Variants in LRPPRC observed in about 807,000 individuals in gnomAD.
LRPPRC encodes leucine-rich PPR motif-containing protein, mitochondrial.
A neutral mutation model predicts 180.3 loss-of-function variants in LRPPRC; 120 were observed. The ratio of observed to expected loss-of-function variants is 0.67; its 90% CI spans 0.57 to 0.77. The LOEUF is 0.77. Ranked by LOEUF, LRPPRC falls within the 30% of genes least tolerant of loss-of-function variation. The pLI, the probability that LRPPRC is intolerant of heterozygous loss-of-function variation, is 0.00. For synonymous variants in LRPPRC, 723 were observed against 600.0 expected, an observed-to-expected ratio of 1.21 and a Z score of -3.00; for missense variants, 2,012 against 1,657.2, an observed-to-expected ratio of 1.21 and a Z score of -3.72.
intron 31 of LRPPRC, chr2:43,904,334 A>G (rs1212826774): frequency 1.3e-5 from 2 of 152,196 alleles, no homozygotes; most frequent in Non-Finnish European, 2.9e-5. Flanking sequence ...ACATTTAGGT[A>G]TTATAAGCAA....
chr2:43,996,125 C>G (rs1478419919), upstream of LRPPRC: 1 of 559,604 alleles, frequency 1.8e-6, no homozygotes, highest in Non-Finnish European at 3.1e-6. Context: ...ACAGAAGACC[C>G]AATGTAATAT....
At chr2:43,984,833 G>C (rs1411576743) in intron 1 of LRPPRC, among the ~76,000 whole-genome samples, 1 of 152,102 alleles carries the variant, frequency 6.6e-6, no homozygotes. Flanking sequence ...GGAAATTATT[G>C]TATCATCTCA....
At chr2:43,930,463 T>G (rs998300645) in intron 25 of LRPPRC, among the ~76,000 whole-genome samples, 2 of 152,184 alleles carry the variant, frequency 1.3e-5, no homozygotes, top group African/African-American at 4.8e-5. Flanking sequence ...TTTTCTGACT[T>G]TTGGAATATC....
chr2:43,918,962 C>T (rs1382829463), intron 27 of LRPPRC, among the ~76,000 whole-genome samples: 3 of 151,756 alleles, frequency 2.0e-5, no homozygotes, highest in Non-Finnish European at 2.9e-5. Flanking sequence ...GCAGTGCATA[C>T]GGTATACATA....
intron 11 of LRPPRC, among the ~76,000 whole-genome samples, chr2:43,968,075 T>A (rs1272327015): frequency 6.6e-6 from 1 of 151,916 alleles, no homozygotes. Context: ...GCTAAGTTGC[T>A]GGTGAGATAC....
chr2:43,924,384 C>T (rs1671803512), intron 27 of LRPPRC, among the ~76,000 whole-genome samples: 1 of 152,048 alleles, frequency 6.6e-6, no homozygotes, highest in South Asian at 2.1e-4. Context: ...AATACAAATA[C>T]TAAGATTTCA....
At chr2:43,891,172 G>C (rs1558887330) in intron 36 of LRPPRC, among the ~76,000 whole-genome samples, 1 of 152,162 alleles carries the variant, frequency 6.6e-6, no homozygotes, top group African/African-American at 2.4e-5. Flanking sequence ...AACCCTTTAA[G>C]GGCTCAAGCT....
intron 14 of LRPPRC, among the ~76,000 whole-genome samples, chr2:43,954,776 G>T (rs2103639672): frequency 6.6e-6 from 1 of 152,182 alleles, no homozygotes; most frequent in African/African-American, 2.4e-5. Flanking sequence ...CATTAATAAA[G>T]GAGTGATTGA....
Position 43,945,194 on chromosome 2 carries a change from T to C in LRPPRC, c.2296+138A>G, listed in dbSNP as rs1672633455. The C allele has an allele frequency of 4.5e-6, 3 of 671,972 alleles. No individual in the cohort carries two copies. In the South Asian group the frequency reaches 4.9e-5, roughly 11 times the overall value. 41.6% of individuals were successfully genotyped at this position (671,972 alleles called of 1,614,324 possible). A position where few individuals can be genotyped will look rare whatever the true frequency, so the allele number is the denominator to read the frequency against. Reference sequence around the variant, plus strand: ...ATGGCCTACACTGTCCATGTAGCTCTGGTTGGATTCACATGCAAATTTCTA... The same window carrying C: ...ATGGCCTACACTGTCCATGTAGCTCCGGTTGGATTCACATGCAAATTTCTA... On this transcript the variant is annotated intron_variant, in intron 22 of 37. Coordinates refer to ENST00000260665, the MANE Select transcript of LRPPRC (RefSeq NM_133259.4).
At chr2:43,957,320 A>G (rs1489395174) in intron 14 of LRPPRC, 65 bp downstream of exon 14, 5 of 1,059,446 alleles carry the variant, frequency 4.7e-6, no homozygotes, top group Non-Finnish European at 7.4e-6. Context: ...CTCATGCAAT[A>G]AGTCAAAAGG....
chr2:43,897,030 T>C (rs1670712326), intron 34 of LRPPRC, among the ~76,000 whole-genome samples: 1 of 152,184 alleles, frequency 6.6e-6, no homozygotes, highest in South Asian at 2.1e-4. Flanking sequence ...ACATTATTCC[T>C]CTCCAATTAT....
rs1299724638 is a variant in LRPPRC at position 43,982,328 on chromosome 2, C to G, written c.256G>C (p.Ala86Pro). ...ACAGAAAGATCTAGTCTCATTAGAG[C>G]CCAATCAAACTGATTGGAAATCTTC... ...SRKISNQFDWALMRLDLSVRR... is the reference protein window; with the variant it reads ...SRKISNQFDWPLMRLDLSVRR... The change falls in exon 2 of 38, where the codon GCT becomes CCT. Residue 86 changes from alanine (A) to proline (P), a missense_variant. Ala to Pro is a conservative substitution (Grantham distance 27). Coordinates refer to ENST00000260665, the MANE Select transcript of LRPPRC (RefSeq NM_133259.4). The G allele has an allele frequency of 6.2e-7, 1 of 1,612,090 alleles. No individual in the cohort carries two copies. Among genetic ancestry groups the G allele is most frequent in the African/African-American group, 1.3e-5 (1 of 74,816 alleles).
rs7569159 is a variant in LRPPRC at position 43,918,914 on chromosome 2, G to A, written c.2897-516C>T. Reference sequence around the variant, plus strand: ...TGCCACCATATACATACATACATACGTGTACCGTATGCAATATACATATAT... The same window carrying A: ...TGCCACCATATACATACATACATACATGTACCGTATGCAATATACATATAT... On this transcript the variant is annotated intron_variant, in intron 27 of 37. Transcript: ENST00000260665. Among the ~76,000 whole-genome samples the A allele has an allele frequency of 2.6e-3, 390 of 150,776 alleles. 1 individual carries two copies. Among genetic ancestry groups the A allele is most frequent in the African/African-American group, 8.8e-3 (361 of 41,102 alleles).
intron 16 of LRPPRC, among the ~76,000 whole-genome samples, chr2:43,948,946 TAAAG>T (rs1339973848): frequency 6.6e-6 from 1 of 152,028 alleles, no homozygotes; most frequent in Non-Finnish European, 1.5e-5. Context: ...AAATGTTGAG[TAAAG>T]AAAGTTAAAC....
chr2:43,888,528 CAG>C lies in LRPPRC; in HGVS notation c.*70_*71del. 1.0e-6 allele frequency: 1 copy of C among 963,678 alleles called. No individual in the cohort carries two copies. The highest frequency in any genetic ancestry group is 1.7e-6 in the Non-Finnish European group (1 of 594,256). 59.7% of individuals were successfully genotyped at this position (963,678 alleles called of 1,614,324 possible). On this transcript the variant is annotated 3_prime_UTR_variant, in exon 38 of 38. Coordinates refer to ENST00000260665, the MANE Select transcript of LRPPRC (RefSeq NM_133259.4). ...AGAAAATTTTCATTTATTTTTCCCTCAGATATACTTCAAAATAACATGTAGAC... is the reference window on the plus strand; with the variant it reads ...AGAAAATTTTCATTTATTTTTCCCTCATATACTTCAAAATAACATGTAGAC...
At chr2:43,902,416 G>A in intron 31 of LRPPRC, 1 of 152,070 alleles carries the variant, frequency 6.6e-6, no homozygotes, top group Non-Finnish European at 1.5e-5. Context: ...AGCAACTAAA[G>A]CAATGTAACT....
rs1673240122 is a variant in LRPPRC, at chr2:43,959,225, A to G, written c.1582+1316T>C. ...CTTCTTGTCAGATTGGAAAATCTAT[A>G]TAGTATACAGAGTGGAAGGCAAAAT... On this transcript the variant is annotated intron_variant, in intron 13 of 37. Coordinates refer to ENST00000260665, the MANE Select transcript of LRPPRC (RefSeq NM_133259.4). 8.4e-6 allele frequency: 6 copies of G among 716,022 alleles called. No individual in the cohort carries two copies. In the East Asian group the frequency reaches 1.6e-4, roughly 19 times the overall value. The allele number at this position is 716,022 out of a possible 1,614,324, so 44.4% of individuals were successfully genotyped here.
chr2:43,977,503 C>T (rs1674112561), intron 3 of LRPPRC, among the ~76,000 whole-genome samples: 1 of 152,078 alleles, frequency 6.6e-6, no homozygotes, highest in Non-Finnish European at 1.5e-5. Context: ...ACTGCCTATT[C>T]GGATATTAAA....
Position 43,941,656 on chromosome 2 carries a change from G to A in LRPPRC, c.2504+2031C>T, listed in dbSNP as rs947827931. On this transcript the variant is annotated intron_variant, in intron 23 of 37. Transcript: ENST00000260665. ...ATTGAGAAAGAGTTTCAAAGTCAGG[G>A]TTTTACTCCAGGCATTTCCCCTGAC... Among the ~76,000 whole-genome samples the A allele has an allele frequency of 2.0e-5, 3 of 151,874 alleles. No individual in the cohort carries two copies. In the East Asian group the frequency reaches 5.8e-4, roughly 29 times the overall value.
Sources: gnomAD v4.1 joint callset for allele counts (sites outside exome capture counted in the v4.1 genomes callset) on GRCh38, gnomAD v4.1.1 for gene constraint, MANE v1.5 for transcripts, NCBI Gene and HGNC (gene_info 2026-07-23, HGNC 2026-07-21) for gene names.